The following NF1 variants were observed in gnomAD, a reference collection of about 807,000 sequenced individuals.
NF1 encodes neurofibromin.
A neutral mutation model predicts 325.7 loss-of-function variants in NF1; 122 were observed. The observed-to-expected ratio is 0.37, with a 90% CI of 0.32 to 0.44. The LOEUF (loss-of-function observed/expected upper bound fraction) is 0.44. NF1 is among the 20% of genes least tolerant of loss of function. The probability of loss-of-function intolerance (pLI) is 1.00; values close to 1 mark genes in which losing one functional copy is unlikely to be tolerated. For missense variants in NF1, 2,140 were observed against 3,415.4 expected (o/e 0.63, Z 9.31); for synonymous variants, 1,091 against 1,186.0 (o/e 0.92, Z 1.65).
chr17:31,299,365 A>C (rs1328796169), intron 36 of NF1: 1 of 152,070 alleles, frequency 6.6e-6, no homozygotes, highest in Non-Finnish European at 1.5e-5. Flanking sequence ...TTTTAGAGGC[A>C]TAAGTATGTG....
chr17:31,338,829 T>A (rs1191944899), intron 46 of NF1, 24 bp downstream of exon 46: 8 of 1,445,750 alleles, frequency 5.5e-6, no homozygotes, highest in Non-Finnish European at 7.8e-6. Context: ...AGAAAATGAG[T>A]GCATTCATTT....
intron 2 of NF1, among the ~76,000 whole-genome samples, chr17:31,158,287 C>G (rs2065703014): frequency 6.6e-6 from 1 of 152,146 alleles, no homozygotes; most frequent in Non-Finnish European, 1.5e-5. Context: ...AAATCATTTA[C>G]CTTCTTTATG....
At chr17:31,158,314 T>C (rs2065703436) in intron 2 of NF1, among the ~76,000 whole-genome samples, 1 of 152,002 alleles carries the variant, frequency 6.6e-6, no homozygotes, top group African/African-American at 2.4e-5. Flanking sequence ...ATTAGTATTT[T>C]CCCCCCAAAA....
At chr17:31,200,848 A>G (rs1480740594) in intron 9 of NF1, among the ~76,000 whole-genome samples, 189 bp from the exon 10 acceptor site, 1 of 152,218 alleles carries the variant, frequency 6.6e-6, no homozygotes, top group African/African-American at 2.4e-5. Context: ...AGGGCCTGAA[A>G]TGAACCTATA....
chr17:31,122,921 A>T (rs113702926), intron 1 of NF1, among the ~76,000 whole-genome samples: 4 of 151,866 alleles, frequency 2.6e-5, no homozygotes, highest in African/African-American at 7.3e-5. Flanking sequence ...TTTGATCTGC[A>T]TCTTTCTTTT....
intron 29 of NF1, among the ~76,000 whole-genome samples, chr17:31,247,674 G>A (rs1460039948): frequency 2.0e-5 from 3 of 152,116 alleles, no homozygotes; most frequent in African/African-American, 7.2e-5. Flanking sequence ...TTTTTAGGTA[G>A]CTGCCTTAGA....
chr17:31,340,678 A>AC (rs2069796549), intron 47 of NF1, 33 bp downstream of exon 47: 2 of 1,607,640 alleles, frequency 1.2e-6, no homozygotes, highest in African/African-American at 2.7e-5. Context: ...TTCCTAGATT[A>AC]CTCAAATTTA....
chr17:31,115,462 T>G (rs890330382), intron 1 of NF1, among the ~76,000 whole-genome samples: 4 of 152,216 alleles, frequency 2.6e-5, no homozygotes, highest in African/African-American at 9.6e-5. Context: ...GAAACAAAAC[T>G]TCTGCTAATG....
chr17:31,287,584 G>C (rs903640112), intron 36 of NF1, among the ~76,000 whole-genome samples: 13 of 149,686 alleles, frequency 8.7e-5, no homozygotes, highest in African/African-American at 2.8e-4. Context: ...GTGTGACACA[G>C]GGTGTGGCTT....
intron 35 of NF1, among the ~76,000 whole-genome samples, chr17:31,263,107 G>GTAGATAGATAGATAGA (rs1163819126): frequency 1.3e-4 from 8 of 60,018 alleles, no homozygotes; most frequent in Non-Finnish European, 3.9e-4. Context: ...AGGTAGGTAG[G>GTAGATAGATAGATAGA]TAGATAGATA....
At chr17:31,229,774 C>T (rs2151430290) in intron 21 of NF1, 61 bp from the exon 22 acceptor site, 1 of 1,598,522 alleles carries the variant, frequency 6.3e-7, no homozygotes, top group African/African-American at 1.3e-5. Context: ...TTTCATCTCT[C>T]TAGGGGGTCT....
chr17:31,242,055 C>G (rs1312476905), intron 29 of NF1, among the ~76,000 whole-genome samples: 1 of 150,846 alleles, frequency 6.6e-6, no homozygotes, highest in East Asian at 1.9e-4. Flanking sequence ...TGAAATATGT[C>G]ATGCCACTCT....
At chr17:31,151,141 T>C (rs991880534) in intron 1 of NF1, among the ~76,000 whole-genome samples, 2 of 152,218 alleles carry the variant, frequency 1.3e-5, no homozygotes, top group African/African-American at 2.4e-5. Context: ...TATTATAATA[T>C]GGTATCATTA....
chr17:31,323,289 T>G (rs1220480273), intron 36 of NF1, among the ~76,000 whole-genome samples: 1 of 151,962 alleles, frequency 6.6e-6, no homozygotes, highest in African/African-American at 2.4e-5. Flanking sequence ...GGCGCTTATC[T>G]GTAGTCCCAG....
rs2067070240 is a variant in NF1 at position 31,229,264 on chromosome 17, A to C, written c.2649A>C (p.Ser883=). 1 of 1,613,320 alleles carries C rather than the reference A, an allele frequency of 6.2e-7. No homozygotes were observed. The highest frequency in any genetic ancestry group is 8.5e-7 in the Non-Finnish European group (1 of 1,179,848). ...GTTCTATGATTTCAGTGATGTCTTC[A>C]GAGGGAAACGCAGATACACCTGTCA... The part of the protein sequence containing the change: ...RKGSMISVMS[S]EGNADTPVSK... The change falls in exon 21 of 58, where the codon TCA becomes TCC. Residue 883 remains serine, a synonymous_variant. Transcript: ENST00000358273.
chr17:31,297,609 C>G (rs1169859579), intron 36 of NF1: 1 of 152,084 alleles, frequency 6.6e-6, no homozygotes, highest in Non-Finnish European at 1.5e-5. Context: ...TTTGACCTTC[C>G]TCATGGATAG....
chr17:31,259,105 A>G lies in NF1; in HGVS notation c.4406A>G (p.Lys1469Arg), dbSNP rs2067639432. 6.2e-7 allele frequency: 1 copy of G among 1,603,812 alleles called. No homozygotes were observed. Among genetic ancestry groups the G allele is most frequent in the East Asian group, 2.2e-5 (1 of 44,678 alleles). Residue 1469 changes from lysine to arginine, a missense_variant, in exon 33 of 58, where the codon AAA becomes AGA. This residue lies in a region of NF1 where 336 missense variants were observed against 399.0 expected (regional missense o/e 0.84). Coordinates refer to ENST00000358273, the MANE Select transcript of NF1 (RefSeq NM_001042492.3). ...ATGCGGCCTTTCAATGATTTTGTGA[A>G]AAGCAACTTTGATGCAGCACGCAGG... The part of the protein sequence containing the change: ...EHMRPFNDFV[K>R]SNFDAARRFF...
At chr17:31,234,507 A>C (rs532207129) in intron 27 of NF1, among the ~76,000 whole-genome samples, 1 of 151,786 alleles carries the variant, frequency 6.6e-6, no homozygotes, top group South Asian at 2.1e-4. Context: ...CCCTGTCTCT[A>C]CTAAAAAAAT....
At chr17:31,297,839 GA>G (rs1042075491) in intron 36 of NF1, among the ~76,000 whole-genome samples, 5 of 152,072 alleles carry the variant, frequency 3.3e-5, no homozygotes, top group Non-Finnish European at 5.9e-5. Flanking sequence ...TAGAAGTACT[GA>G]AATACGATTA....
Sources: allele counts gnomAD v4.1 joint callset (sites outside exome capture counted in the v4.1 genomes callset), GRCh38; gene constraint gnomAD v4.1.1; regional missense constraint gnomAD v4.1.1; transcripts MANE v1.5; gene names NCBI Gene and HGNC (gene_info 2026-07-23, HGNC 2026-07-21).